The following C16orf74 variants were observed in gnomAD, a reference collection of about 807,000 sequenced individuals.
The protein encoded by C16orf74 is calcimembrin.
Under a neutral mutation model 6.5 loss-of-function variants are expected in C16orf74, and 10 were observed. The ratio of observed to expected loss-of-function variants is 1.54; its 90% CI spans 0.95 to 2.61. The LOEUF is 2.61. C16orf74 is among the 30% of genes most tolerant of loss of function. C16orf74 has a pLI of 0.00. For missense variants in C16orf74, 141 were observed against 105.9 expected (o/e 1.33, Z -1.45); for synonymous variants, 60 against 42.5 (o/e 1.41, Z -1.60).
At chr16:85,710,048 C>CCAGT (rs2053952716) in intron 3 of C16orf74, 116 bp downstream of exon 3, 8 of 852,156 alleles carry the variant, frequency 9.4e-6, no homozygotes, top group African/African-American at 7.2e-5. Context: ...TTTAACGAAC[C>CCAGT]CAGTGGGAGG....
chr16:85,749,912 C>T (rs1426151951), intron 1 of C16orf74, among the ~76,000 whole-genome samples: 1 of 152,230 alleles, frequency 6.6e-6, no homozygotes, highest in African/African-American at 2.4e-5. Context: ...AATACACGGC[C>T]TCCTCCCATC....
chr16:85,734,115 C>T (rs965762441), intron 2 of C16orf74, among the ~76,000 whole-genome samples: 3 of 152,144 alleles, frequency 2.0e-5, no homozygotes, highest in African/African-American at 7.2e-5. Flanking sequence ...AACCAGTATC[C>T]GCTTCTGTAG....
intron 1 of C16orf74, among the ~76,000 whole-genome samples, chr16:85,749,353 A>G (rs958372791): frequency 6.6e-6 from 1 of 152,006 alleles, no homozygotes; most frequent in Non-Finnish European, 1.5e-5. Context: ...TGGCGTGATC[A>G]TAGCTCACTG....
intron 2 of C16orf74, among the ~76,000 whole-genome samples, chr16:85,720,155 G>A (rs1030213179): frequency 7.2e-5 from 11 of 152,098 alleles, no homozygotes; most frequent in Middle Eastern, 3.4e-3. Flanking sequence ...TCCCAGGCCC[G>A]ATAGAGACAG....
chr16:85,732,330 C>T (rs1237035342), intron 2 of C16orf74, among the ~76,000 whole-genome samples: 2 of 152,154 alleles, frequency 1.3e-5, no homozygotes, highest in Non-Finnish European at 2.9e-5. Context: ...AGTAAGACCC[C>T]ATGTTACAGA....
In C16orf74 at chr16:85,710,234, G is replaced by A. The variant is rs374494410; in HGVS notation, c.102C>T (p.Asp34=). 8.7e-5 allele frequency: 130 copies of A among 1,500,064 alleles called. No homozygotes were observed. In the African/African-American group the frequency reaches 1.5e-3, roughly 17 times the overall value. 92.9% of individuals were successfully genotyped at this position (1,500,064 alleles called of 1,614,324 possible). A position where few individuals can be genotyped will look rare whatever the true frequency, so the allele number is the denominator to read the frequency against. The change falls in exon 3 of 4, where the codon GAC becomes GAT. Residue 34 remains aspartate, a synonymous_variant. Coordinates refer to ENST00000284245, the MANE Select transcript of C16orf74 (RefSeq NM_206967.3). ...GGGGCGTGATGATGATGTCGGGCAC[G>A]TCCAGGTGCTTGTCGTTCAGGACGG... ...EAPVLNDKHL[D]VPDIIITPPT...
At chr16:85,749,884 G>A (rs1269844540) in intron 1 of C16orf74, among the ~76,000 whole-genome samples, 1 of 152,178 alleles carries the variant, frequency 6.6e-6, no homozygotes, top group African/African-American at 2.4e-5. Flanking sequence ...GGCTGGTGAG[G>A]GATTAAGTGT....
intron 1 of C16orf74, 100 bp from the exon 2 acceptor site, chr16:85,735,335 C>T (rs1161255803): frequency 1.5e-6 from 1 of 687,370 alleles, no homozygotes; most frequent in African/African-American, 1.9e-5. Flanking sequence ...GAGTGCAAAA[C>T]AGGAGGTTGT....
At chr16:85,738,715 CG>C (rs1436438574) in intron 1 of C16orf74, among the ~76,000 whole-genome samples, 1 of 151,678 alleles carries the variant, frequency 6.6e-6, no homozygotes, top group African/African-American at 2.4e-5. Context: ...TGAGGGGTAG[CG>C]GAGGAGTGGG....
intron 3 of C16orf74, among the ~76,000 whole-genome samples, chr16:85,709,291 T>G (rs2053943548): frequency 6.6e-6 from 1 of 151,840 alleles, no homozygotes; most frequent in Non-Finnish European, 1.5e-5. Context: ...GAGGTGGAGG[T>G]TGCAGTGAGC....
intron 2 of C16orf74, among the ~76,000 whole-genome samples, chr16:85,734,592 G>C (rs2054224241): frequency 6.6e-6 from 1 of 152,216 alleles, no homozygotes; most frequent in Non-Finnish European, 1.5e-5. Flanking sequence ...GTTTTTGGCT[G>C]GGGAGAACAA....
At chr16:85,729,683 G>A (rs1055400273) in intron 2 of C16orf74, among the ~76,000 whole-genome samples, 1 of 152,174 alleles carries the variant, frequency 6.6e-6, no homozygotes, top group Non-Finnish European at 1.5e-5. Context: ...GGGCGGAGGG[G>A]CTCTAAATCC....
rs758526331 is a variant in C16orf74, at chr16:85,735,157, G to A, written c.28+33C>T. On this transcript the variant is annotated intron_variant, in intron 2 of 3. Transcript: ENST00000284245. ...CCCAACCCAGCACCCCCTCTGCCAT[G>A]AGAGCTGGTGGGGGCAGAGCTTCAG... The A allele has an allele frequency of 1.7e-5, 27 of 1,588,654 alleles. No individual in the cohort carries two copies. In the Admixed American group the frequency reaches 1.8e-4, roughly 10 times the overall value.
At position 85,735,218 on chromosome 16, in the gene C16orf74, G is replaced by T; in HGVS notation, c.-1C>A. The T allele has an allele frequency of 6.3e-7, 1 of 1,598,648 alleles. No individual in the cohort carries two copies. Among genetic ancestry groups the T allele is most frequent in the Non-Finnish European group, 8.5e-7 (1 of 1,172,338 alleles). ...TCAGGCAGGACATCTTAAGCCCCAT[G>T]TCGGCACCTCTGCAGGCCTGTGGAG... On this transcript the variant is annotated 5_prime_UTR_variant, in exon 2 of 4. Coordinates refer to ENST00000284245, the MANE Select transcript of C16orf74 (RefSeq NM_206967.3).
chr16:85,737,226 T>A (rs2054254718), intron 1 of C16orf74, among the ~76,000 whole-genome samples: 1 of 152,090 alleles, frequency 6.6e-6, no homozygotes. Context: ...CTAGGCCTTT[T>A]ATCCAGGGCC....
chr16:85,746,961 T>G (rs1351010400), intron 1 of C16orf74, among the ~76,000 whole-genome samples: 1 of 152,136 alleles, frequency 6.6e-6, no homozygotes, highest in Non-Finnish European at 1.5e-5. Flanking sequence ...TTAGCCACGG[T>G]CCTGCGGGGA....
At chr16:85,730,555 A>G (rs1196462942) in intron 2 of C16orf74, among the ~76,000 whole-genome samples, 1 of 98,062 alleles carries the variant, frequency 1.0e-5, no homozygotes, top group African/African-American at 4.2e-5. Flanking sequence ...CTGAACCCCC[A>G]CATCAGCCAA....
intron 2 of C16orf74, among the ~76,000 whole-genome samples, chr16:85,734,219 G>T (rs914500252): frequency 1.5e-4 from 23 of 152,310 alleles, no homozygotes; most frequent in Middle Eastern, 3.4e-3. Context: ...TTAATTAAGA[G>T]CAGCCACCGC....
chr16:85,718,613 G>A (rs1049033158), intron 2 of C16orf74, among the ~76,000 whole-genome samples: 10 of 152,196 alleles, frequency 6.6e-5, no homozygotes, highest in African/African-American at 2.4e-4. Flanking sequence ...CCCAGGTCCG[G>A]GTGGGCAGGC....
Sources: allele counts gnomAD v4.1 joint callset (sites outside exome capture counted in the v4.1 genomes callset), GRCh38; gene constraint gnomAD v4.1.1; transcripts MANE v1.5; gene names NCBI Gene and HGNC (gene_info 2026-07-23, HGNC 2026-07-21).